The following AGBL4 variants were observed in gnomAD, a reference collection of about 807,000 sequenced individuals.
AGBL4 encodes cytosolic carboxypeptidase 6.
A neutral mutation model predicts 66.4 loss-of-function variants in AGBL4; 58 were observed. That is an observed-to-expected ratio of 0.87 (90% CI 0.71 to 1.09). AGBL4 has a LOEUF of 1.09. Among genes scored for constraint, AGBL4 ranks in the 50% least tolerant of loss-of-function variants. The pLI, the probability that AGBL4 is intolerant of heterozygous loss-of-function variation, is 0.00. For synonymous variants in AGBL4, 234 were observed against 222.9 expected (o/e 1.05, Z -0.44); for missense variants, 579 against 631.0 (o/e 0.92, Z 0.88).
At chr1:48,594,064 G>A (rs1343961263) in intron 9 of AGBL4, among the ~76,000 whole-genome samples, 2 of 152,102 alleles carry the variant, frequency 1.3e-5, no homozygotes, top group Admixed American at 1.3e-4. Context: ...GGTGGCTCCC[G>A]CCTGTAATCC....
intron 1 of AGBL4, among the ~76,000 whole-genome samples, chr1:49,908,737 G>A (rs928049045): frequency 7.2e-5 from 11 of 152,104 alleles, no homozygotes; most frequent in African/African-American, 2.7e-4. Flanking sequence ...AGACCAGCCT[G>A]GGTGACAGAA....
intron 11 of AGBL4, among the ~76,000 whole-genome samples, chr1:48,566,054 A>C (rs983515441): frequency 2.0e-5 from 3 of 152,104 alleles, no homozygotes; most frequent in Admixed American, 2.0e-4. Flanking sequence ...TAATTTCCTC[A>C]TGTTACTCTC....
At chr1:49,158,947 C>A (rs535954000) in intron 4 of AGBL4, among the ~76,000 whole-genome samples, 1 of 143,192 alleles carries the variant, frequency 7.0e-6, no homozygotes, top group South Asian at 2.4e-4. Context: ...TATTTTGAGC[C>A]TATGTATGTC....
intron 3 of AGBL4, among the ~76,000 whole-genome samples, chr1:49,640,676 C>G (rs1645763398): frequency 6.6e-6 from 1 of 152,084 alleles, no homozygotes. Context: ...CAGGGATTTG[C>G]CTAGACCCCA....
At chr1:49,445,521 G>A (rs538719460) in intron 3 of AGBL4, among the ~76,000 whole-genome samples, 6 of 151,894 alleles carry the variant, frequency 4.0e-5, no homozygotes, top group African/African-American at 1.4e-4. Flanking sequence ...TATCACAAAG[G>A]CTTCCTCATT....
intron 6 of AGBL4, among the ~76,000 whole-genome samples, chr1:48,691,142 A>T (rs1285118158): frequency 7.3e-6 from 1 of 136,726 alleles, no homozygotes; most frequent in African/African-American, 2.7e-5. Context: ...TGGGCGACAG[A>T]GTGAGACTCC....
At chr1:49,395,437 G>A (rs1644937580) in intron 3 of AGBL4, among the ~76,000 whole-genome samples, 1 of 151,146 alleles carries the variant, frequency 6.6e-6, no homozygotes, top group African/African-American at 2.4e-5. Context: ...AGTACAAGAA[G>A]GTGAATATAA....
At chr1:49,993,050 A>G (rs1188546431) in intron 1 of AGBL4, among the ~76,000 whole-genome samples, 4 of 152,208 alleles carry the variant, frequency 2.6e-5, no homozygotes, top group Non-Finnish European at 4.4e-5. Context: ...AAGCCATAAG[A>G]CTAAACCATC....
intron 4 of AGBL4, among the ~76,000 whole-genome samples, chr1:49,152,475 T>C (rs953961833): frequency 3.3e-5 from 5 of 152,156 alleles, no homozygotes; most frequent in African/African-American, 1.2e-4. Flanking sequence ...AGCCCTGGGA[T>C]AGACAAACAG....
chr1:49,567,872 A>T (rs1459284595), intron 3 of AGBL4, among the ~76,000 whole-genome samples: 1 of 152,248 alleles, frequency 6.6e-6, no homozygotes, highest in Non-Finnish European at 1.5e-5. Context: ...AAACTACATG[A>T]TCATTTCAAT....
intron 4 of AGBL4, among the ~76,000 whole-genome samples, chr1:49,110,635 G>A (rs1336422857): frequency 6.6e-6 from 1 of 152,060 alleles, no homozygotes; most frequent in Non-Finnish European, 1.5e-5. Context: ...CTCAAGGACT[G>A]TACTCTTAGT....
chr1:48,661,523 T>C (rs1158295883), intron 7 of AGBL4, among the ~76,000 whole-genome samples: 1 of 152,194 alleles, frequency 6.6e-6, no homozygotes, highest in East Asian at 1.9e-4. Context: ...CGGGCAGGCA[T>C]TGAAAGACTC....
At chr1:49,991,460 G>C in intron 1 of AGBL4, among the ~76,000 whole-genome samples, 1 of 151,928 alleles carries the variant, frequency 6.6e-6, no homozygotes, top group East Asian at 1.9e-4. Context: ...ATTTTACAAA[G>C]CCTGGTTTTT....
intron 3 of AGBL4, among the ~76,000 whole-genome samples, chr1:49,625,266 G>C (rs1207140544): frequency 6.6e-6 from 1 of 152,062 alleles, no homozygotes; most frequent in African/African-American, 2.4e-5. Context: ...ACTTATCAAG[G>C]CATATGTGGA....
At chr1:49,765,136 C>G (rs923275048) in intron 2 of AGBL4, among the ~76,000 whole-genome samples, 12 of 152,146 alleles carry the variant, frequency 7.9e-5, no homozygotes, top group South Asian at 2.1e-4. Flanking sequence ...CCCTCCACCC[C>G]CCATGGAACA....
chr1:49,316,439 GA>G (rs1265571517), intron 3 of AGBL4, among the ~76,000 whole-genome samples: 4 of 150,686 alleles, frequency 2.7e-5, no homozygotes, highest in Admixed American at 1.3e-4. Context: ...AAGTCTATTA[GA>G]AAAAAAAGCT....
rs575720017 is a variant in AGBL4 at position 49,828,638 on chromosome 1, G to T, written c.157+22758C>A. Among the ~76,000 whole-genome samples the T allele has an allele frequency of 1.1e-3, 174 of 152,254 alleles. 1 individual carries two copies. The highest frequency in any genetic ancestry group is 1.0e-3 in the Non-Finnish European group (70 of 68,026). Reference sequence around the variant, plus strand: ...GATCACTTTGTAGTCAGGATAAGAAGTTCACATTATATTCTAACTCTGATG... The same window carrying T: ...GATCACTTTGTAGTCAGGATAAGAATTTCACATTATATTCTAACTCTGATG... On this transcript the variant is annotated intron_variant, in intron 2 of 13. Coordinates refer to ENST00000371839, the MANE Select transcript of AGBL4 (RefSeq NM_032785.4).
intron 5 of AGBL4, among the ~76,000 whole-genome samples, chr1:48,868,867 T>A (rs1648373737): frequency 6.6e-6 from 1 of 152,180 alleles, no homozygotes; most frequent in Non-Finnish European, 1.5e-5. Flanking sequence ...AGCTGCTTCC[T>A]GATGACACAA....
chr1:48,797,110 T>G (rs1645696107), intron 6 of AGBL4, among the ~76,000 whole-genome samples: 1 of 152,206 alleles, frequency 6.6e-6, no homozygotes, highest in South Asian at 2.1e-4. Context: ...GAATAGAAAC[T>G]CAGCTTACTG....
Sources: gnomAD v4.1 joint callset for allele counts (sites outside exome capture counted in the v4.1 genomes callset) on GRCh38, gnomAD v4.1.1 for gene constraint, MANE v1.5 for transcripts, NCBI Gene and HGNC (gene_info 2026-07-23, HGNC 2026-07-21) for gene names.